SVOP: variants seen among roughly 807,000 people sequenced by gnomAD.
The protein encoded by SVOP is synaptic vesicle 2-related protein.
Under a neutral mutation model 69.1 loss-of-function variants are expected in SVOP, and 17 were observed. The observed-to-expected ratio is 0.25, with a 90% CI of 0.17 to 0.37. The LOEUF (loss-of-function observed/expected upper bound fraction) is 0.37, where lower values mean the gene tolerates loss of function less well. Among genes scored for constraint, SVOP ranks in the 10% least tolerant of loss-of-function variants. The pLI is 1.00. For synonymous variants in SVOP, 238 were observed against 238.6 expected, an observed-to-expected ratio of 1.00 and a Z score of 0.02; for missense variants, 435 against 597.5, an observed-to-expected ratio of 0.73 and a Z score of 2.84.
chr12:109,000,160 C>T (rs1370542166), intron 1 of SVOP, among the ~76,000 whole-genome samples: 1 of 152,164 alleles, frequency 6.6e-6, no homozygotes, highest in Non-Finnish European at 1.5e-5. Context: ...ATACAAACTA[C>T]CATCAGAGAA....
chr12:109,004,491 G>A (rs1448356104), intron 1 of SVOP, among the ~76,000 whole-genome samples: 3 of 143,200 alleles, frequency 2.1e-5, no homozygotes, highest in African/African-American at 7.6e-5. Context: ...CTGCAGCCTC[G>A]ACTTCCCAGG....
At chr12:108,937,892 T>C in intron 9 of SVOP, among the ~76,000 whole-genome samples, 1 of 152,232 alleles carries the variant, frequency 6.6e-6, no homozygotes. Context: ...TGGTGGTTCG[T>C]GCCTGTAATC....
At chr12:108,978,701 T>G in intron 2 of SVOP, 38 bp from the exon 3 acceptor site, 1 of 702,642 alleles carries the variant, frequency 1.4e-6, no homozygotes, top group Admixed American at 2.0e-5. Context: ...AAGGAATCAG[T>G]GCACCTTGCA....
chr12:108,977,764 A>C (rs2040115053), intron 3 of SVOP, among the ~76,000 whole-genome samples: 1 of 146,828 alleles, frequency 6.8e-6, no homozygotes, highest in African/African-American at 2.5e-5. Context: ...ATCACAAACA[A>C]AGTGGGAAAA....
chr12:108,919,897 G>A, intron 12 of SVOP, 111 bp from the exon 13 acceptor site: 1 of 682,640 alleles, frequency 1.5e-6, no homozygotes. Context: ...ACTAGACTTA[G>A]TGACTCACTT....
At chr12:108,957,568 T>C (rs938068924) in intron 6 of SVOP, among the ~76,000 whole-genome samples, 19 of 152,204 alleles carry the variant, frequency 1.2e-4, no homozygotes, top group Non-Finnish European at 1.8e-4. Context: ...TTGGGTCCCA[T>C]GTCAGAGAAA....
chr12:108,983,217 CCATCACCATAAT>C (rs2040151239), intron 2 of SVOP, among the ~76,000 whole-genome samples: 1 of 150,432 alleles, frequency 6.6e-6, no homozygotes, highest in Non-Finnish European at 1.5e-5. Context: ...ATGATCATCA[CCATCACCATAAT>C]CATCACCATT....
rs780379786 is a variant in SVOP, at chr12:108,976,761, G to A, written c.381+637C>T. On this transcript the variant is annotated intron_variant, in intron 4 of 15. Transcript: ENST00000610966. ...CTCCCGAGTAGCTGGGATTACAGGC[G>A]CCCCCACCACGCCCAGCTAATTTTT... Among the ~76,000 whole-genome samples, 41 of 151,830 alleles carry A rather than the reference G, an allele frequency of 2.7e-4. 1 individual carries two copies. The highest frequency in any genetic ancestry group is 2.2e-3 in the Admixed American group (34 of 15,222).
At chr12:108,950,926 T>C (rs2039950626) in intron 6 of SVOP, among the ~76,000 whole-genome samples, 4 of 152,250 alleles carry the variant, frequency 2.6e-5, no homozygotes, top group Admixed American at 2.0e-4. Context: ...ATAATCAGAC[T>C]GAAAAATAAA....
At chr12:108,915,689 C>T (rs550596627) in intron 15 of SVOP, 94 bp downstream of exon 15, 20 of 1,323,460 alleles carry the variant, frequency 1.5e-5, no homozygotes, top group Non-Finnish European at 1.8e-5. Flanking sequence ...GAATGCAACC[C>T]GAGGGCTCTG....
chr12:109,009,698 A>G (rs1156604598), intron 1 of SVOP, among the ~76,000 whole-genome samples: 1 of 152,126 alleles, frequency 6.6e-6, no homozygotes, highest in Non-Finnish European at 1.5e-5. Flanking sequence ...TACAGGTGTG[A>G]GCCATGGCGC....
At position 108,956,706 on chromosome 12, in the gene SVOP, C is replaced by T. The variant is rs543355404; in HGVS notation, c.578+4217G>A. Among the ~76,000 whole-genome samples, 8 of 152,276 alleles carry T rather than the reference C, an allele frequency of 5.3e-5. No homozygotes were observed. In the South Asian group the frequency reaches 1.7e-3, roughly 32 times the overall value. ...ACCTGAGGGCTCACACAATGTCTGACCCACTGACAAAGGATCCATCATAAC... is the reference window on the plus strand; with the variant it reads ...ACCTGAGGGCTCACACAATGTCTGATCCACTGACAAAGGATCCATCATAAC... On this transcript the variant is annotated intron_variant, in intron 6 of 15. Transcript: ENST00000610966.
At chr12:108,971,703 G>C (rs972377413) in intron 5 of SVOP, among the ~76,000 whole-genome samples, 2 of 152,094 alleles carry the variant, frequency 1.3e-5, no homozygotes, top group Admixed American at 6.6e-5. Flanking sequence ...GGTAATTCAG[G>C]GTGTCTTCAT....
chr12:109,013,598 C>A (rs1000772115), intron 1 of SVOP, among the ~76,000 whole-genome samples: 1 of 152,044 alleles, frequency 6.6e-6, no homozygotes, highest in African/African-American at 2.4e-5. Flanking sequence ...CCATGTTGGC[C>A]AGGCTGATCT....
At chr12:108,997,129 C>T (rs1421041264) in intron 1 of SVOP, among the ~76,000 whole-genome samples, 1 of 152,298 alleles carries the variant, frequency 6.6e-6, no homozygotes, top group Non-Finnish European at 1.5e-5. Flanking sequence ...CGAAGCAGGG[C>T]GAGGCATTGC....
intron 6 of SVOP, among the ~76,000 whole-genome samples, chr12:108,960,470 C>A (rs528486123): frequency 6.6e-6 from 1 of 152,058 alleles, no homozygotes; most frequent in East Asian, 1.9e-4. Context: ...CTCTGCCTTG[C>A]GTTTAGGTAG....
chr12:108,931,859 G>A (rs1360027232), intron 11 of SVOP, among the ~76,000 whole-genome samples: 1 of 151,720 alleles, frequency 6.6e-6, no homozygotes, highest in African/African-American at 2.4e-5. Context: ...ATGCTTCCCG[G>A]GTGAGTCTGT....
intron 1 of SVOP, among the ~76,000 whole-genome samples, chr12:109,001,918 A>G (rs1219071280): frequency 2.0e-5 from 3 of 147,194 alleles, no homozygotes; most frequent in Non-Finnish European, 4.5e-5. Flanking sequence ...TCATGTCCAA[A>G]ACACCAAAAG....
At chr12:108,924,307 A>C (rs1163931976) in intron 11 of SVOP, among the ~76,000 whole-genome samples, 4 of 152,162 alleles carry the variant, frequency 2.6e-5, no homozygotes, top group Non-Finnish European at 5.9e-5. Flanking sequence ...TTGTTATAGC[A>C]GTCCAAATTG....
Sources: allele counts gnomAD v4.1 joint callset (sites outside exome capture counted in the v4.1 genomes callset), GRCh38; gene constraint gnomAD v4.1.1; transcripts MANE v1.5; gene names NCBI Gene and HGNC (gene_info 2026-07-23, HGNC 2026-07-21).